Variants in ABCA5 observed in about 807,000 individuals in gnomAD.
The protein encoded by ABCA5 is cholesterol transporter ABCA5.
In ABCA5, 163 loss-of-function variants were observed where a neutral mutation model predicts 206.0. The observed-to-expected ratio is 0.79, with a 90% CI of 0.70 to 0.90. The LOEUF is 0.90. Among genes scored for constraint, ABCA5 ranks in the 40% least tolerant of loss-of-function variants. ABCA5 has a pLI of 0.00. For missense variants in ABCA5, 1,859 were observed against 1,912.9 expected (o/e 0.97, Z 0.53); for synonymous variants, 609 against 613.8 (o/e 0.99, Z 0.11).
chr17:69,257,353 C>CAA (rs542087331), intron 28 of ABCA5, among the ~76,000 whole-genome samples: 57 of 54,882 alleles, frequency 1.0e-3, no homozygotes, highest in African/African-American at 2.7e-3. Flanking sequence ...GATTCCATCT[C>CAA]AAAAAAAAAA....
chr17:69,278,895 A>C (rs1001572878), intron 18 of ABCA5, among the ~76,000 whole-genome samples: 2 of 151,474 alleles, frequency 1.3e-5, no homozygotes, highest in African/African-American at 4.9e-5. Context: ...TCAAAATAAT[A>C]AGAGCTATCT....
chr17:69,261,826 A>G (rs200522837), intron 24 of ABCA5, 78 bp from the exon 25 acceptor site: 1 of 515,522 alleles, frequency 1.9e-6, no homozygotes, highest in Non-Finnish European at 3.3e-6. Flanking sequence ...GCCATATTAA[A>G]ATATGAAATT....
chr17:69,270,520 T>G, intron 22 of ABCA5, 93 bp downstream of exon 22: 3 of 1,185,436 alleles, frequency 2.5e-6, no homozygotes, highest in Non-Finnish European at 3.5e-6. Context: ...ACAAGATAAA[T>G]TTCTACATAT....
intron 7 of ABCA5, chr17:69,304,207 TAAAAC>T (rs1474323119): frequency 1.3e-5 from 2 of 152,088 alleles, no homozygotes; most frequent in African/African-American, 4.8e-5. Flanking sequence ...TGGAACCACT[TAAAAC>T]AAAGGCTGGT....
chr17:69,310,310 T>C (rs1232695687), intron 3 of ABCA5, among the ~76,000 whole-genome samples: 1 of 152,056 alleles, frequency 6.6e-6, no homozygotes, highest in Non-Finnish European at 1.5e-5. Flanking sequence ...TAATTTTTTG[T>C]TTTTAATTTT....
intron 1 of ABCA5, among the ~76,000 whole-genome samples, chr17:69,322,221 T>C (rs2075870143): frequency 6.6e-6 from 1 of 151,574 alleles, no homozygotes; most frequent in South Asian, 2.1e-4. Flanking sequence ...AATACAAAAA[T>C]TAGCTGGGTG....
At chr17:69,295,010 G>A (rs1052478894) in intron 10 of ABCA5, among the ~76,000 whole-genome samples, 17 of 152,058 alleles carry the variant, frequency 1.1e-4, no homozygotes, top group African/African-American at 2.4e-5. Context: ...AAGTCTTGCA[G>A]ATAACATAAA....
At position 69,315,782 on chromosome 17, in the gene ABCA5, C is replaced by CAA. The variant is rs60830676; in HGVS notation, c.-15-1354_-15-1353dup. On this transcript the variant is annotated intron_variant, in intron 1 of 38. Transcript: ENST00000392676. ...TGGGTGACAGAGCAAGGATCCGCCT[C>CAA]AAAAAAAAAAAAAAATAGCAACTCT... 2.1e-3 allele frequency among the ~76,000 whole-genome samples: 284 copies of CAA among 132,446 alleles called. 2 individuals are homozygous for CAA. The highest frequency in any genetic ancestry group is 0.01 in the South Asian group (44 of 4,240). 86.9% of individuals were successfully genotyped at this position (132,446 alleles called of 152,430 possible). A position where few individuals can be genotyped will look rare whatever the true frequency, so the allele number is the denominator to read the frequency against.
At chr17:69,262,842 C>G (rs2075164094) in intron 24 of ABCA5, among the ~76,000 whole-genome samples, 1 of 152,086 alleles carries the variant, frequency 6.6e-6, no homozygotes, top group Non-Finnish European at 1.5e-5. Flanking sequence ...ACATTCCCAC[C>G]AAGAGTATAT....
At chr17:69,282,756 A>C (rs1480346654) in intron 18 of ABCA5, among the ~76,000 whole-genome samples, 1 of 116,878 alleles carries the variant, frequency 8.6e-6, no homozygotes, top group Non-Finnish European at 1.8e-5. Context: ...TGGGTGACAG[A>C]GCAAGACTCA....
intron 2 of ABCA5, among the ~76,000 whole-genome samples, chr17:69,313,847 T>C (rs886162959): frequency 1.3e-5 from 2 of 152,190 alleles, no homozygotes; most frequent in Non-Finnish European, 2.9e-5. Flanking sequence ...GTTTTCATCC[T>C]TTGAAATTAT....
At position 69,260,386 on chromosome 17, in the gene ABCA5, AT is replaced by A; in HGVS notation, c.3590del (p.Asn1197MetfsTer13). The stretch of plus-strand genomic sequence containing the variant: ...TATCCCATGGATTATAGGTGTCCAC[AT>A]TTTTTCGTACATTCTTCCAAGAAAT... ...IKISWKNVRK[N>X]VDTYNPWDRL... On this transcript the variant is annotated frameshift_variant, in exon 27 of 39. Coordinates refer to ENST00000392676, the MANE Select transcript of ABCA5 (RefSeq NM_172232.4). LOFTEE classifies it high-confidence loss of function. 4 of 1,608,088 alleles carry A rather than the reference AT, an allele frequency of 2.5e-6. No homozygotes were observed. The highest frequency in any genetic ancestry group is 1.7e-5 in the Admixed American group (1 of 59,576).
chr17:69,247,831 AGATT>A (rs751208736), intron 38 of ABCA5, among the ~76,000 whole-genome samples, 187 bp from the exon 39 acceptor site: 12 of 152,130 alleles, frequency 7.9e-5, no homozygotes, highest in Non-Finnish European at 1.3e-4. Flanking sequence ...ATACTATTTT[AGATT>A]AATAGATATG....
chr17:69,274,044 G>T lies in ABCA5; in HGVS notation c.2679C>A (p.Ile893=). The T allele has an allele frequency of 6.2e-7, 1 of 1,611,072 alleles. No individual in the cohort carries two copies. Among genetic ancestry groups the T allele is most frequent in the Non-Finnish European group, 8.5e-7 (1 of 1,178,942 alleles). Residue 893 remains isoleucine, a synonymous_variant, in exon 20 of 39, where the codon ATC becomes ATA. Transcript: ENST00000392676. The stretch of plus-strand genomic sequence containing the variant: ...GAAAATATAAGTCTGGAACAAGTTT[G>T]ATGGGAACCACAGCATTTTTAAAAG... ...HHSFKNAVVP[I]KLVPDLYFLK...
intron 19 of ABCA5, among the ~76,000 whole-genome samples, chr17:69,275,439 C>A (rs1252169254): frequency 6.6e-6 from 1 of 151,878 alleles, no homozygotes; most frequent in Non-Finnish European, 1.5e-5. Context: ...TCACATACCC[C>A]GTAATTTTTT....
intron 24 of ABCA5, among the ~76,000 whole-genome samples, chr17:69,263,856 C>T (rs992670793): frequency 2.0e-5 from 3 of 152,004 alleles, no homozygotes; most frequent in Non-Finnish European, 4.4e-5. Flanking sequence ...GCCACCACGT[C>T]CAGCTATTTT....
intron 1 of ABCA5, among the ~76,000 whole-genome samples, chr17:69,320,320 A>C (rs1378834591): frequency 6.6e-6 from 1 of 152,198 alleles, no homozygotes; most frequent in Non-Finnish European, 1.5e-5. Context: ...GCTAAATTGA[A>C]GCGTGAGTCA....
At chr17:69,248,113 G>C in intron 38 of ABCA5, 149 bp downstream of exon 38, 1 of 506,614 alleles carries the variant, frequency 2.0e-6, no homozygotes, top group South Asian at 3.1e-5. Context: ...AGAACCTAAG[G>C]TTGATTAAAA....
Position 69,306,618 on chromosome 17 carries a change from G to A in ABCA5, c.788+107C>T, listed in dbSNP as rs1054647783. 5 of 502,216 alleles carry A rather than the reference G, an allele frequency of 1.0e-5. No homozygotes were observed. The East Asian group carries it at 2.1e-4, about 22-fold the overall frequency. The allele number at this position is 502,216 out of a possible 1,614,324, so 31.1% of individuals were successfully genotyped here. The stretch of plus-strand genomic sequence containing the variant: ...TAAGGCAATCATTGTAAGAAAACAG[G>A]ATAAGCACATCATCAAGTTAGGTAA... On this transcript the variant is annotated intron_variant, in intron 6 of 38. Transcript: ENST00000392676.
Sources: allele counts gnomAD v4.1 joint callset (sites outside exome capture counted in the v4.1 genomes callset), GRCh38; gene constraint gnomAD v4.1.1; transcripts MANE v1.5; gene names NCBI Gene and HGNC (gene_info 2026-07-23, HGNC 2026-07-21).